The following PLXDC2 variants were observed in gnomAD, a reference collection of about 807,000 sequenced individuals.
PLXDC2 encodes the protein plexin domain containing 2.
Under a neutral mutation model 68.9 loss-of-function variants are expected in PLXDC2, and 40 were observed. That is an observed-to-expected ratio of 0.58 (90% CI 0.45 to 0.76). The LOEUF (loss-of-function observed/expected upper bound fraction) is 0.76. Among genes scored for constraint, PLXDC2 ranks in the 30% least tolerant of loss-of-function variants. The pLI, the probability that PLXDC2 is intolerant of heterozygous loss-of-function variation, is 0.00. For synonymous variants in PLXDC2, 243 were observed against 234.2 expected (o/e 1.04, Z -0.34); for missense variants, 644 against 661.9 (o/e 0.97, Z 0.30).
intron 1 of PLXDC2, among the ~76,000 whole-genome samples, chr10:19,825,776 A>G (rs1417061743): frequency 6.6e-6 from 1 of 152,186 alleles, no homozygotes; most frequent in East Asian, 1.9e-4. Context: ...TGAATCTATT[A>G]TATCTATTTG....
intron 1 of PLXDC2, among the ~76,000 whole-genome samples, chr10:19,855,860 C>A (rs1837201385): frequency 6.6e-6 from 1 of 152,022 alleles, no homozygotes; most frequent in African/African-American, 2.4e-5. Flanking sequence ...CCAAGGCAGG[C>A]AGATCATGAA....
intron 4 of PLXDC2, among the ~76,000 whole-genome samples, chr10:20,124,700 G>T (rs561775052): frequency 6.6e-6 from 1 of 151,166 alleles, no homozygotes; most frequent in East Asian, 2.0e-4. Context: ...AAAGGGGGTT[G>T]TTCTCTGGCG....
rs546879594 is a variant in PLXDC2 at position 20,029,552 on chromosome 10, C to A, written c.325-17317C>A. Among the ~76,000 whole-genome samples the A allele has an allele frequency of 3.3e-5, 5 of 152,088 alleles. No individual in the cohort carries two copies. In the South Asian group the frequency reaches 6.2e-4, roughly 19 times the overall value. ...CTAATAATATTGATTCCCCTCCTCACCCCTGGGACTTTGCAAGACAGAACC... is the reference window on the plus strand; with the variant it reads ...CTAATAATATTGATTCCCCTCCTCAACCCTGGGACTTTGCAAGACAGAACC... On this transcript the variant is annotated intron_variant, in intron 2 of 13. Coordinates refer to ENST00000377252, the MANE Select transcript of PLXDC2 (RefSeq NM_032812.9).
chr10:19,888,593 T>C (rs1837890698), intron 1 of PLXDC2, among the ~76,000 whole-genome samples: 1 of 152,024 alleles, frequency 6.6e-6, no homozygotes, highest in Non-Finnish European at 1.5e-5. Flanking sequence ...TCAGGGAAGC[T>C]CACTTGCAGG....
At chr10:20,043,635 T>G (rs559160623) in intron 2 of PLXDC2, among the ~76,000 whole-genome samples, 12 of 152,236 alleles carry the variant, frequency 7.9e-5, no homozygotes, top group African/African-American at 2.9e-4. Context: ...TGCAGCATCA[T>G]AAAATCTGTT....
chr10:19,984,179 C>T (rs1450284846), intron 1 of PLXDC2, among the ~76,000 whole-genome samples: 1 of 152,180 alleles, frequency 6.6e-6, no homozygotes. Context: ...TCACTTCCAT[C>T]GTGTACCCCT....
At chr10:19,946,798 G>A (rs1475376612) in intron 1 of PLXDC2, among the ~76,000 whole-genome samples, 3 of 152,068 alleles carry the variant, frequency 2.0e-5, no homozygotes, top group Non-Finnish European at 4.4e-5. Flanking sequence ...ATCCCTCCAT[G>A]TGCAGTTTAC....
chr10:19,966,453 G>GCACATATACAAAAA (rs1214107721), intron 1 of PLXDC2, among the ~76,000 whole-genome samples: 1 of 14,786 alleles, frequency 6.8e-5, no homozygotes, highest in African/African-American at 4.0e-4. Flanking sequence ...TAAAACATGT[G>GCACATATACAAAAA]TGTATATGTA....
chr10:20,123,708 T>G (rs1589640680), intron 4 of PLXDC2, among the ~76,000 whole-genome samples: 1 of 151,530 alleles, frequency 6.6e-6, no homozygotes, highest in African/African-American at 2.4e-5. Context: ...TCGGGGGTTC[T>G]TACCCTCCAG....
At chr10:20,229,692 C>G (rs1835335092) in intron 12 of PLXDC2, among the ~76,000 whole-genome samples, 2 of 152,078 alleles carry the variant, frequency 1.3e-5, no homozygotes, top group African/African-American at 2.4e-5. Context: ...CCCGTTAAGA[C>G]TAATTTTTGC....
intron 4 of PLXDC2, among the ~76,000 whole-genome samples, chr10:20,140,192 C>T (rs1833983698): frequency 6.6e-6 from 1 of 151,924 alleles, no homozygotes; most frequent in African/African-American, 2.4e-5. Flanking sequence ...CTCAGCTTCT[C>T]AGGAGGCTGA....
chr10:20,264,072 C>T (rs2119370028), intron 13 of PLXDC2, among the ~76,000 whole-genome samples: 1 of 152,198 alleles, frequency 6.6e-6, no homozygotes, highest in East Asian at 1.9e-4. Context: ...TCTAAATGTC[C>T]ATCAATGACA....
At chr10:20,030,005 A>T (rs1232871849) in intron 2 of PLXDC2, among the ~76,000 whole-genome samples, 3 of 152,140 alleles carry the variant, frequency 2.0e-5, no homozygotes, top group Admixed American at 6.6e-5. Flanking sequence ...AAGCAGTAGG[A>T]AGATTTACAC....
At chr10:20,091,540 A>G (rs1413829279) in intron 4 of PLXDC2, among the ~76,000 whole-genome samples, 1 of 152,114 alleles carries the variant, frequency 6.6e-6, no homozygotes, top group Non-Finnish European at 1.5e-5. Flanking sequence ...CCTTTTTAAG[A>G]TGAGGCATGA....
chr10:20,192,505 T>C (rs1834780436), intron 9 of PLXDC2, among the ~76,000 whole-genome samples: 1 of 152,016 alleles, frequency 6.6e-6, no homozygotes, highest in Non-Finnish European at 1.5e-5. Context: ...ACACAGAGAA[T>C]TATGACAAAA....
At position 20,286,998 on chromosome 10, in the gene PLXDC2, A is replaced by C. The variant is rs1462975481; in HGVS notation, c.*7179A>C. 1 of 152,386 alleles carries C rather than the reference A, an allele frequency of 6.6e-6. No individual in the cohort carries two copies. Among genetic ancestry groups the C allele is most frequent in the African/African-American group, 2.4e-5 (1 of 41,460 alleles). The allele number at this position is 152,386 out of a possible 1,614,324, so 9.4% of individuals were successfully genotyped here. A position where few individuals can be genotyped will look rare whatever the true frequency, so the allele number is the denominator to read the frequency against. On this transcript the variant is annotated 3_prime_UTR_variant, in exon 14 of 14. Transcript: ENST00000377252. ...CTCCGCCTCCCAAAGTGCTGGAATT[A>C]CAGGCCTGAGCCACCGTGCCTGGCC...
Position 20,258,144 on chromosome 10 carries a change from G to A in PLXDC2, c.1473+12639G>A, listed in dbSNP as rs116147025. Among the ~76,000 whole-genome samples, 701 of 151,646 alleles carry A rather than the reference G, an allele frequency of 4.6e-3. 9 individuals are homozygous for A. Among genetic ancestry groups the A allele is most frequent in the African/African-American group, 0.014 (573 of 41,326 alleles). ...CGCCTCTCCAGTAGCTGGGAATACA[G>A]GCCTCTGCCACCATTCCCAGCTAAT... On this transcript the variant is annotated intron_variant, in intron 13 of 13. Coordinates refer to ENST00000377252, the MANE Select transcript of PLXDC2 (RefSeq NM_032812.9).
intron 4 of PLXDC2, among the ~76,000 whole-genome samples, chr10:20,082,562 T>A (rs1441276072): frequency 2.6e-5 from 4 of 152,186 alleles, no homozygotes; most frequent in African/African-American, 9.7e-5. Flanking sequence ...AAAGGATTTT[T>A]AAAAAACAAG....
intron 1 of PLXDC2, among the ~76,000 whole-genome samples, chr10:19,926,982 T>C (rs2131385569): frequency 6.6e-6 from 1 of 152,328 alleles, no homozygotes; most frequent in South Asian, 2.1e-4. Flanking sequence ...CATCTTCATT[T>C]CTAATGTTTG....
Sources: gnomAD v4.1 joint callset for allele counts (sites outside exome capture counted in the v4.1 genomes callset) on GRCh38, gnomAD v4.1.1 for gene constraint, MANE v1.5 for transcripts, NCBI Gene and HGNC (gene_info 2026-07-23, HGNC 2026-07-21) for gene names.